EML1: variants seen among roughly 807,000 people sequenced by gnomAD.
EML1 encodes the protein EMAP like 1, also known as echinoderm microtubule-associated protein-like 1.
A neutral mutation model predicts 110.4 loss-of-function variants in EML1; 27 were observed. That is an observed-to-expected ratio of 0.24 (90% CI 0.18 to 0.34). EML1 has a LOEUF of 0.34. Ranked by LOEUF, EML1 falls within the 10% of genes least tolerant of loss-of-function variation. The pLI, the probability that EML1 is intolerant of heterozygous loss-of-function variation, is 1.00. For missense variants in EML1, 741 were observed against 1,030.9 expected, an observed-to-expected ratio of 0.72 and a Z score of 3.85; for synonymous variants, 344 against 385.8, an observed-to-expected ratio of 0.89 and a Z score of 1.27.
At chr14:99,807,693 A>G (rs1016371771) in intron 1 of EML1, among the ~76,000 whole-genome samples, 1 of 152,138 alleles carries the variant, frequency 6.6e-6, no homozygotes, top group Non-Finnish European at 1.5e-5. Flanking sequence ...GCTCCTACCC[A>G]AGGGGAAGCC....
At chr14:99,895,765 T>A (rs1185264478) in intron 6 of EML1, among the ~76,000 whole-genome samples, 18 of 147,870 alleles carry the variant, frequency 1.2e-4, no homozygotes, top group African/African-American at 2.5e-4. Context: ...CATCCTACTT[T>A]AAAAAAAAAA....
At chr14:99,878,822 C>T (rs1233521541) in intron 4 of EML1, among the ~76,000 whole-genome samples, 1 of 140,426 alleles carries the variant, frequency 7.1e-6, no homozygotes, top group African/African-American at 2.5e-5. Context: ...AACTACCGTC[C>T]AGGTGGAAAA....
At chr14:99,830,357 T>C (rs2058428881) in intron 1 of EML1, among the ~76,000 whole-genome samples, 1 of 152,110 alleles carries the variant, frequency 6.6e-6, no homozygotes, top group East Asian at 1.9e-4. Context: ...TTTTTGTTAT[T>C]GAACAAAATG....
chr14:99,865,367 A>G (rs1595398780), intron 2 of EML1, 147 bp from the exon 3 acceptor site: 1 of 936,202 alleles, frequency 1.1e-6, no homozygotes, highest in East Asian at 2.6e-5. Context: ...AACCGTAAAT[A>G]GAGATGAAGA....
At chr14:99,742,330 C>A (rs993891539) in intron 1 of EML1, among the ~76,000 whole-genome samples, 2 of 152,192 alleles carry the variant, frequency 1.3e-5, no homozygotes, top group African/African-American at 2.4e-5. Flanking sequence ...TTTATGGTTA[C>A]TGGCCAGTTC....
Position 99,914,324 on chromosome 14 carries a change from G to GC in EML1, c.1620+23dup. 6.3e-7 allele frequency: 1 copy of GC among 1,598,554 alleles called. No homozygotes were observed. The highest frequency in any genetic ancestry group is 8.6e-7 in the Non-Finnish European group (1 of 1,168,098). On this transcript the variant is annotated intron_variant, in intron 14 of 21. Coordinates refer to ENST00000262233, the MANE Select transcript of EML1 (RefSeq NM_004434.3). ...ACTCAGGTACGATCCCACTCAGCAG[G>GC]CCCGGCAAACACTCTCATTTTGCAT... is the stretch of plus-strand genomic sequence containing the variant.
chr14:99,740,546 TTTA>T (rs938167520), intron 1 of EML1, among the ~76,000 whole-genome samples: 44 of 152,282 alleles, frequency 2.9e-4, no homozygotes, highest in Middle Eastern at 6.8e-3. Context: ...GGCCCCTGGA[TTTA>T]TGGCCCTGTG....
chr14:99,936,459 T>C lies in EML1; in HGVS notation c.2095+125T>C. 1 of 856,874 alleles carries C rather than the reference T, an allele frequency of 1.2e-6. No homozygotes were observed. Among genetic ancestry groups the C allele is most frequent in the Non-Finnish European group, 1.8e-6 (1 of 541,394 alleles). 53.1% of individuals were successfully genotyped at this position (856,874 alleles called of 1,614,324 possible). A position where few individuals can be genotyped will look rare whatever the true frequency, so the allele number is the denominator to read the frequency against. On this transcript the variant is annotated intron_variant, in intron 19 of 21. Coordinates refer to ENST00000262233, the MANE Select transcript of EML1 (RefSeq NM_004434.3). This position sits in a 1 kb window ranked among gnomAD's most constrained non-coding sequence, Gnocchi z 5.5. Reference sequence around the variant, plus strand: ...GGCACGTGCCATCATCTCTAGGTCATGGTTTCCGCCTCTGTAACGTAGGGG... The same window carrying C: ...GGCACGTGCCATCATCTCTAGGTCACGGTTTCCGCCTCTGTAACGTAGGGG...
Position 99,928,206 on chromosome 14 carries a change from GTGA to G in EML1, c.1909+7332_1909+7334del, listed in dbSNP as rs1464957020. ...GGTGGTGGTGGTGGTGGTGGTGGTGGTGATGGTGATGGTGGTGGTGGTGGTGGT... is the reference window on the plus strand; with the variant it reads ...GGTGGTGGTGGTGGTGGTGGTGGTGGTGGTGATGGTGGTGGTGGTGGTGGT... On this transcript the variant is annotated intron_variant, in intron 17 of 21. Transcript: ENST00000262233. 2.3e-4 allele frequency among the ~76,000 whole-genome samples: 16 copies of G among 70,542 alleles called. 3 individuals are homozygous for G. The highest frequency in any genetic ancestry group is 1.7e-3 in the South Asian group (3 of 1,784). The allele number at this position is 70,542 out of a possible 152,430, so 46.3% of individuals were successfully genotyped here.
chr14:99,851,721 T>A (rs1032792580), intron 2 of EML1, among the ~76,000 whole-genome samples: 2 of 152,172 alleles, frequency 1.3e-5, no homozygotes, highest in African/African-American at 4.8e-5. Context: ...AAAACTGTTA[T>A]CTCTTTATAT....
At chr14:99,794,602 T>G (rs770499781) in intron 1 of EML1, among the ~76,000 whole-genome samples, 2 of 152,212 alleles carry the variant, frequency 1.3e-5, no homozygotes, top group African/African-American at 4.8e-5. Flanking sequence ...GTAGTGGTAT[T>G]TTTTATCTCT....
chr14:99,775,121 C>T (rs2057467861), intron 1 of EML1, among the ~76,000 whole-genome samples: 2 of 152,212 alleles, frequency 1.3e-5, no homozygotes, highest in Non-Finnish European at 2.9e-5. Context: ...GACACAGAGG[C>T]AGAGCATCAC....
At chr14:99,741,909 G>A (rs1263010951) in intron 1 of EML1, among the ~76,000 whole-genome samples, 1 of 152,136 alleles carries the variant, frequency 6.6e-6, no homozygotes, top group Non-Finnish European at 1.5e-5. Flanking sequence ...AGATGACCTG[G>A]TGAATCGTGC....
chr14:99,933,351 T>G (rs934276528), intron 17 of EML1, among the ~76,000 whole-genome samples: 1 of 152,188 alleles, frequency 6.6e-6, no homozygotes, highest in Admixed American at 6.5e-5. Context: ...AATTTTTGTA[T>G]TTTTAGTAGA....
At chr14:99,747,888 C>T (rs1253233376) in intron 1 of EML1, among the ~76,000 whole-genome samples, 2 of 152,180 alleles carry the variant, frequency 1.3e-5, no homozygotes, top group Non-Finnish European at 2.9e-5. Context: ...GCCACCCCCT[C>T]CTGGACTTTC....
intron 1 of EML1, among the ~76,000 whole-genome samples, chr14:99,812,596 T>C (rs893166503): frequency 6.6e-5 from 10 of 151,900 alleles, no homozygotes; most frequent in African/African-American, 2.4e-4. Context: ...TCACTTTGCC[T>C]GGCTCAGAGG....
At chr14:99,815,928 G>A (rs2058159745) in intron 1 of EML1, among the ~76,000 whole-genome samples, 1 of 152,168 alleles carries the variant, frequency 6.6e-6, no homozygotes, top group Non-Finnish European at 1.5e-5. Context: ...GAATCTGACA[G>A]GGGTAAGAAT....
chr14:99,818,222 C>A (rs1256805785), intron 1 of EML1, among the ~76,000 whole-genome samples: 1 of 152,058 alleles, frequency 6.6e-6, no homozygotes, highest in African/African-American at 2.4e-5. Flanking sequence ...GTGATCAAAT[C>A]TGCACTTTGG....
intron 1 of EML1, among the ~76,000 whole-genome samples, chr14:99,805,260 G>C (rs1244252378): frequency 6.6e-6 from 1 of 152,300 alleles, no homozygotes; most frequent in East Asian, 1.9e-4. Flanking sequence ...CTCAGTACTA[G>C]TTTGTTGAAC....
Sources: allele counts gnomAD v4.1 joint callset (sites outside exome capture counted in the v4.1 genomes callset), GRCh38; gene constraint gnomAD v4.1.1; non-coding constraint Gnocchi (gnomAD v3.1); transcripts MANE v1.5; gene names NCBI Gene and HGNC (gene_info 2026-07-23, HGNC 2026-07-21).